The following DENND5B variants were observed in gnomAD, a reference collection of about 807,000 sequenced individuals.
The protein encoded by DENND5B is DENN domain containing 5B.
In DENND5B, 34 loss-of-function variants were observed where a neutral mutation model predicts 140.6. The observed-to-expected ratio is 0.24, with a 90% CI of 0.18 to 0.32. The LOEUF (loss-of-function observed/expected upper bound fraction) is 0.32, where lower values mean the gene tolerates loss of function less well. DENND5B is among the 10% of genes least tolerant of loss of function. The pLI, the probability that DENND5B is intolerant of heterozygous loss-of-function variation, is 1.00. For missense variants in DENND5B, 1,142 were observed against 1,560.2 expected, an observed-to-expected ratio of 0.73 and a Z score of 4.52; for synonymous variants, 551 against 562.1, an observed-to-expected ratio of 0.98 and a Z score of 0.28.
intron 7 of DENND5B, among the ~76,000 whole-genome samples, chr12:31,437,169 G>A (rs545964663): frequency 4.7e-4 from 70 of 149,276 alleles, no homozygotes; most frequent in African/African-American, 1.6e-3. Flanking sequence ...TTGAGACGGA[G>A]TCTCACTCTG....
At chr12:31,461,987 C>A (rs1696959477) in intron 3 of DENND5B, among the ~76,000 whole-genome samples, 1 of 152,002 alleles carries the variant, frequency 6.6e-6, no homozygotes, top group South Asian at 2.1e-4. Flanking sequence ...AAATGACTAC[C>A]TTTTTGGTAA....
At chr12:31,446,723 G>A (rs933463937) in intron 6 of DENND5B, among the ~76,000 whole-genome samples, 3 of 151,096 alleles carry the variant, frequency 2.0e-5, no homozygotes, top group Non-Finnish European at 4.4e-5. Context: ...GTGAAACCCC[G>A]TCTCTACTGA....
In DENND5B at chr12:31,447,074, C is replaced by A. The variant is rs547290532; in HGVS notation, c.1861+464G>T. 8.2e-4 allele frequency among the ~76,000 whole-genome samples: 124 copies of A among 152,136 alleles called. 1 individual carries two copies. The highest frequency in any genetic ancestry group is 2.8e-3 in the African/African-American group (116 of 41,504). ...ATCACCTGAGGTCAGCAGTTCAAGA[C>A]CAGCCTGGCCAACATGGTGAAATCC... On this transcript the variant is annotated intron_variant, in intron 6 of 20. Coordinates refer to ENST00000389082, the MANE Select transcript of DENND5B (RefSeq NM_144973.4).
chr12:31,531,752 T>A (rs1565669830), intron 1 of DENND5B, among the ~76,000 whole-genome samples: 1 of 152,210 alleles, frequency 6.6e-6, no homozygotes, highest in Non-Finnish European at 1.5e-5. Flanking sequence ...ACTTAAATAC[T>A]GACGGACCCT....
At chr12:31,496,983 A>G (rs939062637) in intron 1 of DENND5B, among the ~76,000 whole-genome samples, 1 of 152,212 alleles carries the variant, frequency 6.6e-6, no homozygotes, top group African/African-American at 2.4e-5. Context: ...ACTAGCTGTT[A>G]CAGCAAAAGA....
intron 1 of DENND5B, chr12:31,499,658 C>T (rs1053655674): frequency 6.7e-7 from 1 of 1,498,760 alleles, no homozygotes; most frequent in Middle Eastern, 1.7e-4. Flanking sequence ...CTGCTTCTAG[C>T]CATTGGTACA....
Position 31,578,991 on chromosome 12 carries a change from T to C in DENND5B, c.127+11715A>G, listed in dbSNP as rs145278895. On this transcript the variant is annotated intron_variant, in intron 1 of 20. Coordinates refer to ENST00000389082, the MANE Select transcript of DENND5B (RefSeq NM_144973.4). ...AATGTTAGCTATTTTCATAGCATCA[T>C]AGAATAAGGGTGACTTCCTGGGATT... 1.3e-3 allele frequency among the ~76,000 whole-genome samples: 199 copies of C among 152,350 alleles called. 1 individual carries two copies. The highest frequency in any genetic ancestry group is 4.7e-3 in the African/African-American group (194 of 41,592).
chr12:31,444,405 A>G (rs1370985728), intron 6 of DENND5B, among the ~76,000 whole-genome samples: 1 of 151,992 alleles, frequency 6.6e-6, no homozygotes, highest in African/African-American at 2.4e-5. Context: ...CACCATGCCC[A>G]GCTAATTTTT....
At chr12:31,490,886 T>C (rs1946499157) in intron 2 of DENND5B, among the ~76,000 whole-genome samples, 1 of 152,218 alleles carries the variant, frequency 6.6e-6, no homozygotes, top group Admixed American at 6.5e-5. Context: ...AACAGCAAAT[T>C]ATAAAGTAAG....
At position 31,389,441 on chromosome 12, in the gene DENND5B, A is replaced by G. The variant is rs1343650378; in HGVS notation, c.3524T>C (p.Val1175Ala). The change falls in exon 20 of 21, where the codon GTC becomes GCC. Residue 1175 changes from valine to alanine, a missense_variant. Physicochemically the swap from Val to Ala is moderately conservative, Grantham distance 64. This residue lies in a region of DENND5B where 125 missense variants were observed against 179.0 expected (regional missense o/e 0.70). Transcript: ENST00000389082. ...TDQILDNEDDVLIQKSSCKTF... is the reference protein window; with the variant it reads ...TDQILDNEDDALIQKSSCKTF... ...TTTGCAGGATGATTTCTGAATAAGGACATCATCTTCATTATCTAGAATCTG... is the reference window on the plus strand; with the variant it reads ...TTTGCAGGATGATTTCTGAATAAGGGCATCATCTTCATTATCTAGAATCTG... 4.4e-6 allele frequency: 7 copies of G among 1,606,800 alleles called. No individual in the cohort carries two copies. The highest frequency in any genetic ancestry group is 6.0e-6 in the Non-Finnish European group (7 of 1,176,416).
At chr12:31,572,495 C>A (rs1219208295) in intron 1 of DENND5B, among the ~76,000 whole-genome samples, 2 of 144,720 alleles carry the variant, frequency 1.4e-5, no homozygotes, top group African/African-American at 5.1e-5. Flanking sequence ...AAATAAATAT[C>A]AAATCCCCAA....
At position 31,413,423 on chromosome 12, in the gene DENND5B, G is replaced by T; in HGVS notation, c.2681+13C>A. 1 of 1,606,792 alleles carries T rather than the reference G, an allele frequency of 6.2e-7. No individual in the cohort carries two copies. Among genetic ancestry groups the T allele is most frequent in the Non-Finnish European group, 8.5e-7 (1 of 1,176,784 alleles). On this transcript the variant is annotated intron_variant, in intron 13 of 20. Coordinates refer to ENST00000389082, the MANE Select transcript of DENND5B (RefSeq NM_144973.4). ...ATTATAGAAACAGAAATGTATCAAA[G>T]ATGGTATCTTACTTGGTGAGTGGTT...
intron 8 of DENND5B, among the ~76,000 whole-genome samples, chr12:31,427,895 G>A (rs1943320138): frequency 6.6e-6 from 1 of 151,974 alleles, no homozygotes. Flanking sequence ...CTTTAAAAAA[G>A]AGAGTTTGTA....
intron 1 of DENND5B, among the ~76,000 whole-genome samples, chr12:31,571,637 G>A (rs1160083397): frequency 2.0e-5 from 3 of 149,070 alleles, no homozygotes; most frequent in African/African-American, 7.4e-5. Context: ...TTGTTTTTTT[G>A]AGACGGAGTT....
At chr12:31,550,874 G>A (rs965048052) in intron 1 of DENND5B, among the ~76,000 whole-genome samples, 1 of 152,188 alleles carries the variant, frequency 6.6e-6, no homozygotes, top group African/African-American at 2.4e-5. Context: ...CTTTTGAGAA[G>A]TGTCTGTTCA....
intron 1 of DENND5B, among the ~76,000 whole-genome samples, chr12:31,569,655 C>A (rs767102180): frequency 4.0e-5 from 6 of 151,710 alleles, no homozygotes; most frequent in South Asian, 2.1e-4. Context: ...TAAAAACACA[C>A]AAAAAAATTA....
At chr12:31,488,315 A>G (rs919453830) in intron 2 of DENND5B, among the ~76,000 whole-genome samples, 1 of 152,102 alleles carries the variant, frequency 6.6e-6, no homozygotes, top group African/African-American at 2.4e-5. Context: ...GGCAATACAG[A>G]AACATAGTGA....
At chr12:31,466,851 A>C (rs931208207) in intron 3 of DENND5B, among the ~76,000 whole-genome samples, 3 of 152,212 alleles carry the variant, frequency 2.0e-5, no homozygotes, top group Non-Finnish European at 4.4e-5. Context: ...AATGAACCAC[A>C]AGCAGAACAA....
At chr12:31,484,388 GA>G (rs1290581302) in intron 2 of DENND5B, among the ~76,000 whole-genome samples, 1 of 152,090 alleles carries the variant, frequency 6.6e-6, no homozygotes, top group Non-Finnish European at 1.5e-5. Flanking sequence ...TCAGCAACAT[GA>G]AAAGTTGCTG....
Sources: allele counts gnomAD v4.1 joint callset (sites outside exome capture counted in the v4.1 genomes callset), GRCh38; gene constraint gnomAD v4.1.1; regional missense constraint gnomAD v4.1.1; transcripts MANE v1.5; gene names NCBI Gene and HGNC (gene_info 2026-07-23, HGNC 2026-07-21).